LRRC46: variants seen among roughly 807,000 people sequenced by gnomAD.
LRRC46 encodes the protein leucine-rich repeat-containing protein 46.
In LRRC46, 20 loss-of-function variants were observed where a neutral mutation model predicts 28.0. The ratio of observed to expected loss-of-function variants is 0.71; its 90% CI spans 0.50 to 1.04. The LOEUF (loss-of-function observed/expected upper bound fraction) is 1.04. Ranked by LOEUF, LRRC46 falls within the 50% of genes least tolerant of loss-of-function variation. LRRC46 has a pLI of 0.00. For synonymous variants in LRRC46, 156 were observed against 158.8 expected (o/e 0.98, Z 0.13); for missense variants, 315 against 390.1 (o/e 0.81, Z 1.62).
Position 47,835,770 on chromosome 17 carries a change from A to G in LRRC46, c.377A>G (p.Lys126Arg). 1.9e-6 allele frequency: 3 copies of G among 1,613,972 alleles called. No individual in the cohort carries two copies. The highest frequency in any genetic ancestry group is 2.5e-6 in the Non-Finnish European group (3 of 1,179,834). Residue 126 changes from lysine to arginine, a missense_variant, in exon 5 of 8, where the codon AAG becomes AGG. Physicochemically the swap from Lys to Arg is conservative, Grantham distance 26. Coordinates refer to ENST00000269025, the MANE Select transcript of LRRC46 (RefSeq NM_033413.4). ...TCTGAGAACCTGATAGAAACATTGA[A>G]GCTGGGTAGGAACCCACTCGCCCTG... is the stretch of plus-strand genomic sequence containing the variant. ...DLSENLIETL[K>R]LDEFPQSLLI...
Position 47,835,766 on chromosome 17 carries a change from T to C in LRRC46, c.373T>C (p.Leu125=), listed in dbSNP as rs544112781. 1.1e-4 allele frequency: 177 copies of C among 1,614,078 alleles called. 1 individual carries two copies. Among genetic ancestry groups the C allele is most frequent in the Middle Eastern group, 3.3e-4 (2 of 6,062 alleles). Residue 125 remains leucine, a synonymous_variant, in exon 5 of 8, where the codon TTG becomes CTG. Transcript: ENST00000269025. ...LDLSENLIET[L]KLDEFPQSLL... The stretch of plus-strand genomic sequence containing the variant: ...CCTTTCTGAGAACCTGATAGAAACA[T>C]TGAAGCTGGGTAGGAACCCACTCGC...
At chr17:47,835,544 C>A (rs1285273049) in intron 4 of LRRC46, 122 bp from the exon 5 acceptor site, 1 of 1,337,094 alleles carries the variant, frequency 7.5e-7, no homozygotes, top group Non-Finnish European at 1.1e-6. Flanking sequence ...CCCCAGAAGG[C>A]CATGTGTCCC....
In LRRC46 at chr17:47,836,818, G is replaced by C. The variant is rs1418687219; in HGVS notation, c.664G>C (p.Glu222Gln). 6.2e-7 allele frequency: 1 copy of C among 1,613,876 alleles called. No homozygotes were observed. Among genetic ancestry groups the C allele is most frequent in the African/African-American group, 1.3e-5 (1 of 74,886 alleles). Residue 222 changes from glutamate (E) to glutamine (Q), a missense_variant, in exon 8 of 8, where the codon GAG becomes CAG. Coordinates refer to ENST00000269025, the MANE Select transcript of LRRC46 (RefSeq NM_033413.4). The surrounding 1 kb of genome is among the most constrained non-coding windows in gnomAD (Gnocchi z 5.8). Reference sequence around the variant, plus strand: ...GCACCGGCAACAGACGGCCCTGACAGAGCACCTGCTGAGGATGGAGATGCA... The same window carrying C: ...GCACCGGCAACAGACGGCCCTGACACAGCACCTGCTGAGGATGGAGATGCA... ...REHRQQTALT[E>Q]HLLRMEMQPT... is the part of the protein sequence containing the mutation.
chr17:47,836,198 A>G lies in LRRC46; in HGVS notation c.452+96A>G, dbSNP rs1368106302. 32 of 1,574,710 alleles carry G rather than the reference A, an allele frequency of 2.0e-5. No individual in the cohort carries two copies. In the Admixed American group the frequency reaches 4.7e-4, roughly 23 times the overall value. ...AGCCTGCAAACCTGGGGTCCTGTCC[A>G]TGACACCTTCTCCCCCACCTCCTAC... is the stretch of plus-strand genomic sequence containing the variant. On this transcript the variant is annotated intron_variant, in intron 6 of 7. Transcript: ENST00000269025. The surrounding 1 kb of genome is among the most constrained non-coding windows in gnomAD (Gnocchi z 5.8).
At chr17:47,834,758 C>T (rs1323592719) in intron 3 of LRRC46, 1 of 412,782 alleles carries the variant, frequency 2.4e-6, no homozygotes, top group African/African-American at 2.0e-5. Context: ...GTTCTTTAGG[C>T]ACTTCTCTTG....
At position 47,836,087 on chromosome 17, in the gene LRRC46, A is replaced by ACCAGGATG. The variant is rs1478127678; in HGVS notation, c.438_445dup (p.Gly149AlafsTer9). On this transcript the variant is annotated frameshift_variant, in exon 6 of 8. Transcript: ENST00000269025. LOFTEE classifies it high-confidence loss of function. This position sits in a 1 kb window ranked among gnomAD's most constrained non-coding sequence, Gnocchi z 5.8. ...AACCTGTCTGGAAACAGCTGCACCAACCAGGATGGCTACCGGTAAGGAGTG... is the reference window on the plus strand; with the variant it reads ...AACCTGTCTGGAAACAGCTGCACCAACCAGGATGCCAGGATGGCTACCGGTAAGGAGTG... 6.2e-7 allele frequency: 1 copy of ACCAGGATG among 1,614,142 alleles called. No homozygotes were observed. Among genetic ancestry groups the ACCAGGATG allele is most frequent in the Non-Finnish European group, 8.5e-7 (1 of 1,180,010 alleles).
At position 47,834,491 on chromosome 17, in the gene LRRC46, C is replaced by A. The variant is rs757891630; in HGVS notation, c.183C>A (p.Asn61Lys). 2.5e-6 allele frequency: 4 copies of A among 1,613,528 alleles called. No individual in the cohort carries two copies. In the African/African-American group the frequency reaches 4.0e-5, roughly 16 times the overall value. The change falls in exon 3 of 8, where the codon AAC becomes AAA. Residue 61 changes from asparagine to lysine, a missense_variant. Coordinates refer to ENST00000269025, the MANE Select transcript of LRRC46 (RefSeq NM_033413.4). ...LDREGITTIR[N>K]LEGLQNLHSL... ...GGGAGGGGATTACTACTATCAGGAA[C>A]TTAGAAGGCCTCCAGAATCTTCACA...
chr17:47,831,819 C>G lies in LRRC46; in HGVS notation c.-171C>G, dbSNP rs530681351. On this transcript the variant is annotated 5_prime_UTR_variant, in exon 1 of 8. Coordinates refer to ENST00000269025, the MANE Select transcript of LRRC46 (RefSeq NM_033413.4). Reference sequence around the variant, plus strand: ...ACCCTTCACATCAATTTACTGTTTTCTTCGACCTCACCCCAGCAATTTTCT... The same window carrying G: ...ACCCTTCACATCAATTTACTGTTTTGTTCGACCTCACCCCAGCAATTTTCT... 1.2e-6 allele frequency: 1 copy of G among 826,194 alleles called. No homozygotes were observed. The highest frequency in any genetic ancestry group is 1.7e-5 in the African/African-American group (1 of 57,952). The allele number at this position is 826,194 out of a possible 1,614,324, so 51.2% of individuals were successfully genotyped here.
chr17:47,837,318 T>TG lies in LRRC46; in HGVS notation c.*199dup. On this transcript the variant is annotated 3_prime_UTR_variant, in exon 8 of 8. Coordinates refer to ENST00000269025, the MANE Select transcript of LRRC46 (RefSeq NM_033413.4). ...AAAATACAGAGCTCAGTGAGCCACC[T>TG]GATTCTAAAGAGCGAGTCTGGAATC... is the stretch of plus-strand genomic sequence containing the variant. 2 of 685,238 alleles carry TG rather than the reference T, an allele frequency of 2.9e-6. No individual in the cohort carries two copies. Among genetic ancestry groups the TG allele is most frequent in the South Asian group, 4.7e-5 (2 of 42,720 alleles). 42.4% of individuals were successfully genotyped at this position (685,238 alleles called of 1,614,324 possible).
rs754893678 is a variant in LRRC46 at position 47,835,337 on chromosome 17, C to A, written c.226-16C>A. 2 of 1,614,142 alleles carry A rather than the reference C, an allele frequency of 1.2e-6. No individual in the cohort carries two copies. The highest frequency in any genetic ancestry group is 4.5e-5 in the East Asian group (2 of 44,880). ...TGATCTCAGCTTGGTTTCCCCACTT[C>A]GGTTTCTTCTTGCAGAATAAGATCC... is the stretch of plus-strand genomic sequence containing the variant. On this transcript the variant is annotated splice_polypyrimidine_tract_variant and intron_variant, in intron 3 of 7. Transcript: ENST00000269025.
chr17:47,833,555 T>A (rs537851372), intron 2 of LRRC46, among the ~76,000 whole-genome samples: 1 of 151,508 alleles, frequency 6.6e-6, no homozygotes, highest in South Asian at 2.1e-4. Context: ...TTGAAGCGAT[T>A]CTCCAGCCTC....
chr17:47,835,460 A>T lies in LRRC46; in HGVS notation c.272+61A>T, dbSNP rs1165241445. ...GTTGGGGGAACCTAGCCATATCCCA[A>T]AGAACTGGTTCAGATTTCTCCAAGC... On this transcript the variant is annotated intron_variant, in intron 4 of 7. Coordinates refer to ENST00000269025, the MANE Select transcript of LRRC46 (RefSeq NM_033413.4). 7 of 1,589,822 alleles carry T rather than the reference A, an allele frequency of 4.4e-6. No individual in the cohort carries two copies. In the African/African-American group the frequency reaches 9.4e-5, roughly 21 times the overall value.
chr17:47,834,958 C>T (rs1368159763), intron 3 of LRRC46: 2 of 230,062 alleles, frequency 8.7e-6, no homozygotes, highest in South Asian at 7.4e-5. Context: ...ATTCCCAGCT[C>T]GCTTCAACTT....
At position 47,836,480 on chromosome 17, in the gene LRRC46, C is replaced by T. The variant is rs1478169693; in HGVS notation, c.595+5C>T. Reference sequence around the variant, plus strand: ...GCCCATTCTGCTCAGAACGAGGTGACCCTGCTTTCCAAGGTTTTCAGCCTC... The same window carrying T: ...GCCCATTCTGCTCAGAACGAGGTGATCCTGCTTTCCAAGGTTTTCAGCCTC... On this transcript the variant is annotated splice_donor_5th_base_variant and intron_variant, in intron 7 of 7. Coordinates refer to ENST00000269025, the MANE Select transcript of LRRC46 (RefSeq NM_033413.4). This position sits in a 1 kb window ranked among gnomAD's most constrained non-coding sequence, Gnocchi z 5.8. The T allele has an allele frequency of 6.2e-7, 1 of 1,613,492 alleles. No homozygotes were observed. The highest frequency in any genetic ancestry group is 8.5e-7 in the Non-Finnish European group (1 of 1,179,594).
chr17:47,836,516 A>T lies in LRRC46; in HGVS notation c.595+41A>T, dbSNP rs762969550. 3 of 1,603,084 alleles carry T rather than the reference A, an allele frequency of 1.9e-6. No homozygotes were observed. The African/African-American group carries it at 4.0e-5, about 22-fold the overall frequency. On this transcript the variant is annotated intron_variant, in intron 7 of 7. Coordinates refer to ENST00000269025, the MANE Select transcript of LRRC46 (RefSeq NM_033413.4). The surrounding 1 kb of genome is among the most constrained non-coding windows in gnomAD (Gnocchi z 5.8). ...AAGGTTTTCAGCCTCCCCAGAGCCC[A>T]CCTCTGCCCTGTGGGACATGAGGGA...
At chr17:47,834,232 C>T (rs2033668197) in intron 2 of LRRC46, among the ~76,000 whole-genome samples, 193 bp from the exon 3 acceptor site, 5 of 152,084 alleles carry the variant, frequency 3.3e-5, no homozygotes, top group Admixed American at 1.3e-4. Context: ...AATAGAGATA[C>T]GAGTCTGCAA....
chr17:47,835,497 T>A, intron 4 of LRRC46, 98 bp downstream of exon 4: 1 of 1,477,758 alleles, frequency 6.8e-7, no homozygotes, highest in Non-Finnish European at 9.4e-7. Flanking sequence ...TGGGTCCTTG[T>A]CAGTCAAGGA....
intron 3 of LRRC46, chr17:47,834,998 C>T (rs1250440657): frequency 2.5e-5 from 7 of 276,882 alleles, no homozygotes; most frequent in South Asian, 1.0e-4. Flanking sequence ...CGTCAAGTTC[C>T]TGTATGCTCA....
Position 47,837,105 on chromosome 17 carries a change from G to A in LRRC46, c.951G>A (p.Lys317=). Reference sequence around the variant, plus strand: ...CCAGCACAACCAAAACTACGGCCAAGAGAAGCAAGAAATGATTCTCTGTCA... The same window carrying A: ...CCAGCACAACCAAAACTACGGCCAAAAGAAGCAAGAAATGATTCTCTGTCA... ...EAPSTTKTTA[K]RSKK Residue 317 remains lysine (K), a synonymous_variant, in exon 8 of 8, where the codon AAG becomes AAA. Transcript: ENST00000269025. 6.2e-7 allele frequency: 1 copy of A among 1,603,940 alleles called. No individual in the cohort carries two copies. The highest frequency in any genetic ancestry group is 8.5e-7 in the Non-Finnish European group (1 of 1,177,714).
Sources: gnomAD v4.1 joint callset for allele counts (sites outside exome capture counted in the v4.1 genomes callset) on GRCh38, gnomAD v4.1.1 for gene constraint, Gnocchi (gnomAD v3.1) non-coding constraint, MANE v1.5 for transcripts, NCBI Gene and HGNC (gene_info 2026-07-23, HGNC 2026-07-21) for gene names.